The following TCF12 variants were observed in gnomAD, a reference collection of about 807,000 sequenced individuals.
TCF12 encodes the protein transcription factor 12.
Under a neutral mutation model 86.0 loss-of-function variants are expected in TCF12, and 45 were observed. That is an observed-to-expected ratio of 0.52 (90% CI 0.41 to 0.67). TCF12 has a LOEUF of 0.67. Among genes scored for constraint, TCF12 ranks in the 30% least tolerant of loss-of-function variants. The pLI is 0.00. For missense variants in TCF12, 881 were observed against 859.9 expected (o/e 1.02, Z -0.31); for synonymous variants, 330 against 299.6 (o/e 1.10, Z -1.05).
rs563769402 is a variant in TCF12, at chr15:57,183,873, A to C, written c.391-8285A>C. Among the ~76,000 whole-genome samples, 5 of 152,308 alleles carry C rather than the reference A, an allele frequency of 3.3e-5. 1 individual carries two copies. In the South Asian group the frequency reaches 1.0e-3, roughly 32 times the overall value. Reference sequence around the variant, plus strand: ...TTTGGACTCGGGATACCTAACTCCAAAACCAGTGCTGTTTCCAGAACATGA... The same window carrying C: ...TTTGGACTCGGGATACCTAACTCCACAACCAGTGCTGTTTCCAGAACATGA... On this transcript the variant is annotated intron_variant, in intron 6 of 20. Coordinates refer to ENST00000333725, the MANE Select transcript of TCF12 (RefSeq NM_207037.2).
intron 4 of TCF12, among the ~76,000 whole-genome samples, chr15:57,069,644 G>T (rs1369926775): frequency 1.3e-5 from 2 of 150,476 alleles, no homozygotes; most frequent in Non-Finnish European, 3.0e-5. Context: ...TAGAGATTTG[G>T]CTAGGCTATG....
chr15:57,214,727 T>G (rs2058262436), intron 8 of TCF12, among the ~76,000 whole-genome samples: 1 of 152,208 alleles, frequency 6.6e-6, no homozygotes, highest in African/African-American at 2.4e-5. Context: ...AGACTAATCT[T>G]TAATATCCAC....
intron 6 of TCF12, among the ~76,000 whole-genome samples, chr15:57,168,873 C>T (rs1166455089): frequency 6.6e-6 from 1 of 152,012 alleles, no homozygotes; most frequent in Non-Finnish European, 1.5e-5. Context: ...TGGTGAAACC[C>T]CATCTCTACT....
Position 57,281,432 on chromosome 15 carries a change from A to G in TCF12, c.1979-1013A>G, listed in dbSNP as rs139056026. On this transcript the variant is annotated intron_variant, in intron 19 of 20. Coordinates refer to ENST00000333725, the MANE Select transcript of TCF12 (RefSeq NM_207037.2). ...ATCTATCCTTCTCCCTCGAATTGGC[A>G]CATTTCCTATAGAAGAGGGGTCCCC... Among the ~76,000 whole-genome samples the G allele has an allele frequency of 2.2e-3, 331 of 152,326 alleles. 1 individual carries two copies. The highest frequency in any genetic ancestry group is 3.8e-3 in the Non-Finnish European group (258 of 68,030).
At chr15:57,103,603 A>G (rs2049912594) in intron 5 of TCF12, among the ~76,000 whole-genome samples, 1 of 152,222 alleles carries the variant, frequency 6.6e-6, no homozygotes, top group African/African-American at 2.4e-5. Flanking sequence ...ATGGAATTTA[A>G]CCCAAGGAAG....
At chr15:57,098,618 T>TA (rs2049507064) in intron 5 of TCF12, among the ~76,000 whole-genome samples, 1 of 152,214 alleles carries the variant, frequency 6.6e-6, no homozygotes. Flanking sequence ...ATGTCAGTGA[T>TA]ACGAATAAAT....
At chr15:57,047,158 G>A (rs1348107409) in intron 3 of TCF12, among the ~76,000 whole-genome samples, 2 of 152,150 alleles carry the variant, frequency 1.3e-5, no homozygotes, top group East Asian at 1.9e-4. Flanking sequence ...TTTTGCCAGC[G>A]TTTTGCTGTT....
intron 6 of TCF12, among the ~76,000 whole-genome samples, chr15:57,168,902 C>T (rs1408643456): frequency 2.0e-5 from 3 of 152,000 alleles, no homozygotes; most frequent in Non-Finnish European, 4.4e-5. Flanking sequence ...AAAAATTAGC[C>T]GGGCGTGGTG....
chr15:57,187,948 A>G (rs1410386492), intron 6 of TCF12, among the ~76,000 whole-genome samples: 3 of 152,102 alleles, frequency 2.0e-5, no homozygotes. Context: ...AAAAAAATAA[A>G]AAATAAACAG....
chr15:57,098,269 C>A (rs144167616), intron 5 of TCF12, among the ~76,000 whole-genome samples: 58 of 152,260 alleles, frequency 3.8e-4, no homozygotes, highest in African/African-American at 1.4e-3. Flanking sequence ...CAGTCCCTTT[C>A]CACTACGTTG....
rs533282567 is a variant in TCF12, at chr15:57,288,582, C to T, written c.*2437C>T. Reference sequence around the variant, plus strand: ...GTATTTTGTTTTATTTTCTCCATCTCATTCGTCCCAGAAACACTCACACTG... The same window carrying T: ...GTATTTTGTTTTATTTTCTCCATCTTATTCGTCCCAGAAACACTCACACTG... On this transcript the variant is annotated 3_prime_UTR_variant, in exon 21 of 21. Transcript: ENST00000333725. The T allele has an allele frequency of 3.9e-5, 6 of 152,612 alleles. No homozygotes were observed. The highest frequency in any genetic ancestry group is 1.4e-4 in the African/African-American group (6 of 41,546). 9.5% of individuals were successfully genotyped at this position (152,612 alleles called of 1,614,324 possible). A position where few individuals can be genotyped will look rare whatever the true frequency, so the allele number is the denominator to read the frequency against.
intron 16 of TCF12, among the ~76,000 whole-genome samples, chr15:57,256,292 T>C (rs187270037): frequency 6.6e-6 from 1 of 152,258 alleles, no homozygotes; most frequent in East Asian, 1.9e-4. Context: ...ATCGTGGTGG[T>C]TCTTTTCCGT....
intron 8 of TCF12, among the ~76,000 whole-genome samples, chr15:57,208,124 C>G (rs1195080867): frequency 6.6e-6 from 1 of 151,410 alleles, no homozygotes; most frequent in Non-Finnish European, 1.5e-5. Context: ...ACTTCCACCT[C>G]CCGGGTTCAA....
intron 8 of TCF12, among the ~76,000 whole-genome samples, chr15:57,204,758 AG>A (rs2057727744): frequency 7.1e-6 from 1 of 140,716 alleles, no homozygotes; most frequent in South Asian, 2.3e-4. Context: ...TCTAAACTGA[AG>A]ATTTTTTTTT....
At chr15:56,940,494 C>A in intron 3 of TCF12, among the ~76,000 whole-genome samples, 1 of 101,814 alleles carries the variant, frequency 9.8e-6, no homozygotes, top group South Asian at 3.2e-4. Flanking sequence ...CCTCCTCCTC[C>A]TCCTCCTTCT....
rs770978804 is a variant in TCF12 at position 57,243,443 on chromosome 15, T to C, written c.1036-29T>C. 3.9e-6 allele frequency: 6 copies of C among 1,555,018 alleles called. No homozygotes were observed. The South Asian group carries it at 5.6e-5, about 14-fold the overall frequency. On this transcript the variant is annotated intron_variant, in intron 12 of 20. Coordinates refer to ENST00000333725, the MANE Select transcript of TCF12 (RefSeq NM_207037.2). ...TGTATGTGCTGTTGTCACATGTTGATACATGTATATTTCTTGTTTTCTGGT... is the reference window on the plus strand; with the variant it reads ...TGTATGTGCTGTTGTCACATGTTGACACATGTATATTTCTTGTTTTCTGGT...
chr15:57,177,785 A>G (rs986371765), intron 6 of TCF12, among the ~76,000 whole-genome samples: 8 of 152,032 alleles, frequency 5.3e-5, no homozygotes, highest in African/African-American at 1.9e-4. Flanking sequence ...CAGTGGCGTG[A>G]TCACAGCTCA....
intron 3 of TCF12, among the ~76,000 whole-genome samples, chr15:57,001,011 A>AGT (rs1437384791): frequency 1.5e-5 from 2 of 134,324 alleles, no homozygotes; most frequent in Non-Finnish European, 3.3e-5. Flanking sequence ...ATTTAAAAAA[A>AGT]ATTTTTTTTT....
At chr15:57,211,797 T>C (rs547584107) in intron 8 of TCF12, among the ~76,000 whole-genome samples, 1 of 152,154 alleles carries the variant, frequency 6.6e-6, no homozygotes, top group African/African-American at 2.4e-5. Context: ...CTACTAAAAA[T>C]ACAAAACTTA....
Sources: gnomAD v4.1 joint callset for allele counts (sites outside exome capture counted in the v4.1 genomes callset) on GRCh38, gnomAD v4.1.1 for gene constraint, MANE v1.5 for transcripts, NCBI Gene and HGNC (gene_info 2026-07-23, HGNC 2026-07-21) for gene names.